Variants in KAT2B observed in about 807,000 individuals in gnomAD.
KAT2B encodes the protein lysine acetyltransferase 2B, also known as histone acetyltransferase KAT2B.
A neutral mutation model predicts 105.9 loss-of-function variants in KAT2B; 36 were observed. That is an observed-to-expected ratio of 0.34 (90% CI 0.26 to 0.45). The LOEUF (loss-of-function observed/expected upper bound fraction) is 0.45. KAT2B is among the 20% of genes least tolerant of loss of function. The pLI is 1.00. For missense variants in KAT2B, 820 were observed against 1,021.6 expected (o/e 0.80, Z 2.69); for synonymous variants, 397 against 377.9 (o/e 1.05, Z -0.59).
At chr3:20,045,785 T>G (rs1165582310) in intron 1 of KAT2B, among the ~76,000 whole-genome samples, 7 of 152,214 alleles carry the variant, frequency 4.6e-5, no homozygotes, top group Admixed American at 4.6e-4. Context: ...GATAAGGATT[T>G]CATTTAAGCC....
Position 20,148,263 on chromosome 3 carries a change from A to C in KAT2B, c.2177A>C (p.Asp726Ala), listed in dbSNP as rs1417778689. Reference protein sequence around the residue: ...KEKSKEPRDPDQLYSTLKSIL... With the variant: ...KEKSKEPRDPAQLYSTLKSIL... ...TCAAGTAAAGAGCCCAGAGACCCTG[A>C]CCAGCTTTACAGCACGCTCAAGAGC... is the stretch of plus-strand genomic sequence containing the variant. Residue 726 changes from aspartate to alanine, a missense_variant, in exon 16 of 18, where the codon GAC becomes GCC. Coordinates refer to ENST00000263754, the MANE Select transcript of KAT2B (RefSeq NM_003884.5). 2 of 1,613,982 alleles carry C rather than the reference A, an allele frequency of 1.2e-6. No individual in the cohort carries two copies. The highest frequency in any genetic ancestry group is 1.7e-6 in the Non-Finnish European group (2 of 1,179,958).
intron 6 of KAT2B, among the ~76,000 whole-genome samples, chr3:20,114,357 C>A (rs1444336120): frequency 2.0e-5 from 3 of 152,236 alleles, no homozygotes; most frequent in East Asian, 3.9e-4. Flanking sequence ...TTATAAAGAT[C>A]AAGTGAGTTA....
chr3:20,123,294 A>G (rs1225842258), intron 9 of KAT2B, among the ~76,000 whole-genome samples: 5 of 152,194 alleles, frequency 3.3e-5, no homozygotes, highest in African/African-American at 4.8e-5. Flanking sequence ...CATGTACTGT[A>G]TCTCATAAGG....
Position 20,040,706 on chromosome 3 carries a change from G to T in KAT2B, c.229G>T (p.Val77Leu). The change falls in exon 1 of 18, where the codon GTG becomes TTG. Residue 77 changes from valine (V) to leucine (L), a missense_variant. Val to Leu is a conservative substitution (Grantham distance 32). Around this residue, in one of 6 missense-constraint regions of KAT2B, gnomAD observed 190 missense variants for 176.7 expected, o/e 1.08. Transcript: ENST00000263754. ...PGGGGSARIA[V>L]KKAQLRSAPR... ...AGGCGGTGGCTCGGCCCGAATCGCC[G>T]TGAAGAAAGCGCAACTACGCTCCGC... 3 of 1,589,056 alleles carry T rather than the reference G, an allele frequency of 1.9e-6. No individual in the cohort carries two copies. The highest frequency in any genetic ancestry group is 2.6e-6 in the Non-Finnish European group (3 of 1,171,314).
chr3:20,092,927 C>A (rs1442630910), intron 2 of KAT2B, among the ~76,000 whole-genome samples: 1 of 151,944 alleles, frequency 6.6e-6, no homozygotes, highest in African/African-American at 2.4e-5. Flanking sequence ...GTCTCGAACT[C>A]CTGACCTTGT....
Position 20,119,785 on chromosome 3 carries a change from G to C in KAT2B, c.1276+62G>C, listed in dbSNP as rs904753887. 95 of 1,578,160 alleles carry C rather than the reference G, an allele frequency of 6.0e-5. No homozygotes were observed. In the East Asian group the frequency reaches 2.1e-3, roughly 35 times the overall value. ...TTGCTCCAGGAGCTCCATTACCTGA[G>C]GAGTGCAAAAGGTAGACTTGAACCA... is the stretch of plus-strand genomic sequence containing the variant. On this transcript the variant is annotated intron_variant, in intron 8 of 17. Transcript: ENST00000263754.
intron 1 of KAT2B, among the ~76,000 whole-genome samples, chr3:20,044,528 G>T (rs1354817330): frequency 1.3e-5 from 2 of 152,154 alleles, no homozygotes; most frequent in African/African-American, 4.8e-5. Context: ...GCATGGCCTG[G>T]CTACTGCTAT....
intron 3 of KAT2B, among the ~76,000 whole-genome samples, chr3:20,099,364 G>A (rs1229907807): frequency 1.3e-5 from 2 of 152,196 alleles, no homozygotes; most frequent in African/African-American, 4.8e-5. Flanking sequence ...GCTGTAGACA[G>A]CTCCTGTCCC....
At chr3:20,042,146 G>C (rs551151485) in intron 1 of KAT2B, among the ~76,000 whole-genome samples, 3 of 152,312 alleles carry the variant, frequency 2.0e-5, no homozygotes, top group Admixed American at 6.5e-5. Context: ...CTGAGAGTTT[G>C]CATTTCTGAC....
rs552268217 is a variant in KAT2B, at chr3:20,153,846, C to T, written c.*1321C>T. On this transcript the variant is annotated 3_prime_UTR_variant, in exon 18 of 18. Transcript: ENST00000263754. ...GCGTATTTAACTTGATGTTTTCTAT[C>T]AGCATAAATAAAATGGTCATGAATA... 1.2e-4 allele frequency: 18 copies of T among 152,600 alleles called. No homozygotes were observed. Among genetic ancestry groups the T allele is most frequent in the Non-Finnish European group, 7.4e-5 (5 of 68,002 alleles). 9.5% of individuals were successfully genotyped at this position (152,600 alleles called of 1,614,324 possible).
chr3:20,055,003 T>C lies in KAT2B; in HGVS notation c.303+14223T>C, dbSNP rs984330068. Among the ~76,000 whole-genome samples, 8 of 151,904 alleles carry C rather than the reference T, an allele frequency of 5.3e-5. 1 individual carries two copies. The highest frequency in any genetic ancestry group is 4.6e-4 in the Admixed American group (7 of 15,248). On this transcript the variant is annotated intron_variant, in intron 1 of 17. Coordinates refer to ENST00000263754, the MANE Select transcript of KAT2B (RefSeq NM_003884.5). Reference sequence around the variant, plus strand: ...AAAAATTAAAATGAATAATCAAGCATGAAGTCAATGCAGAGAGAAACCATT... The same window carrying C: ...AAAAATTAAAATGAATAATCAAGCACGAAGTCAATGCAGAGAGAAACCATT...
At chr3:20,093,836 G>T (rs1486622475) in intron 2 of KAT2B, among the ~76,000 whole-genome samples, 1 of 152,172 alleles carries the variant, frequency 6.6e-6, no homozygotes, top group East Asian at 1.9e-4. Context: ...AGTAATAGAT[G>T]TTGGGGATAA....
intron 3 of KAT2B, among the ~76,000 whole-genome samples, chr3:20,096,682 A>G (rs1698816990): frequency 1.3e-5 from 2 of 152,162 alleles, no homozygotes; most frequent in South Asian, 4.1e-4. Flanking sequence ...AAACAGCTAA[A>G]TTTTCCAGTG....
rs142668201 is a variant in KAT2B at position 20,085,113 on chromosome 3, G to A, written c.431-10150G>A. 5.5e-3 allele frequency among the ~76,000 whole-genome samples: 831 copies of A among 152,302 alleles called. 10 individuals are homozygous for A. Among genetic ancestry groups the A allele is most frequent in the African/African-American group, 0.019 (792 of 41,556 alleles). On this transcript the variant is annotated intron_variant, in intron 2 of 17. Coordinates refer to ENST00000263754, the MANE Select transcript of KAT2B (RefSeq NM_003884.5). ...ACCTGTAATCCTAGCACTTTGGGAG[G>A]CCAAGGTGGGAGGATTGCTTGAGCC...
At chr3:20,147,700 A>T (rs779254313) in intron 14 of KAT2B, among the ~76,000 whole-genome samples, 1 of 152,204 alleles carries the variant, frequency 6.6e-6, no homozygotes, top group East Asian at 1.9e-4. Flanking sequence ...AGTACTGTAC[A>T]TATTTATTTT....
intron 1 of KAT2B, among the ~76,000 whole-genome samples, chr3:20,048,164 A>ATT (rs1408636561): frequency 3.3e-5 from 5 of 152,330 alleles, no homozygotes; most frequent in African/African-American, 1.2e-4. Flanking sequence ...AAAGCCAAGC[A>ATT]TACAAAGGAA....
rs554094561 is a variant in KAT2B at position 20,150,335 on chromosome 3, C to T, written c.2305+1848C>T. 2.6e-3 allele frequency among the ~76,000 whole-genome samples: 399 copies of T among 152,274 alleles called. 1 individual carries two copies. Among genetic ancestry groups the T allele is most frequent in the Non-Finnish European group, 4.6e-3 (316 of 68,014 alleles). On this transcript the variant is annotated intron_variant, in intron 17 of 17. Coordinates refer to ENST00000263754, the MANE Select transcript of KAT2B (RefSeq NM_003884.5). ...AAATCAGTAATTTTACATTTTCCCA[C>T]GATTTCCTTATTTGATTTTTCTAAT...
chr3:20,056,427 G>C (rs114086073), intron 1 of KAT2B, among the ~76,000 whole-genome samples: 386 of 152,278 alleles, frequency 2.5e-3, no homozygotes, highest in African/African-American at 8.7e-3. Context: ...TTTGTTGGAG[G>C]TGATACATTA....
At chr3:20,066,551 A>G (rs141706147) in intron 1 of KAT2B, among the ~76,000 whole-genome samples, 1 of 151,966 alleles carries the variant, frequency 6.6e-6, no homozygotes, top group Non-Finnish European at 1.5e-5. Flanking sequence ...GGCATGTGTC[A>G]CTATGCCTGG....
Sources: gnomAD v4.1 joint callset for allele counts (sites outside exome capture counted in the v4.1 genomes callset) on GRCh38, gnomAD v4.1.1 for gene constraint, gnomAD v4.1.1 regional missense constraint, MANE v1.5 for transcripts, NCBI Gene and HGNC (gene_info 2026-07-23, HGNC 2026-07-21) for gene names.